Variants in CBX1 observed in about 807,000 individuals in gnomAD.
The protein encoded by CBX1 is chromobox 1.
Under a neutral mutation model 25.1 loss-of-function variants are expected in CBX1, and 10 were observed. The ratio of observed to expected loss-of-function variants is 0.40; its 90% CI spans 0.25 to 0.68. The LOEUF is 0.68. Among genes scored for constraint, CBX1 ranks in the 30% least tolerant of loss-of-function variants. The pLI is 0.40. For missense variants in CBX1, 106 were observed against 218.5 expected (o/e 0.49, Z 3.25); for synonymous variants, 63 against 79.4 (o/e 0.79, Z 1.10).
intron 1 of CBX1, chr17:48,100,810 T>C (rs968816000): frequency 6.1e-6 from 6 of 985,510 alleles, no homozygotes; most frequent in African/African-American, 1.7e-5. Context: ...TCCGTAGTCC[T>C]GCAAAGCCAG....
intron 1 of CBX1, among the ~76,000 whole-genome samples, chr17:48,099,587 C>T (rs1447162879): frequency 2.6e-5 from 4 of 152,140 alleles, no homozygotes; most frequent in African/African-American, 9.7e-5. Flanking sequence ...GTCTATAAGG[C>T]ACCTAGGGAG....
At chr17:48,093,238 G>T (rs182328025) in intron 1 of CBX1, among the ~76,000 whole-genome samples, 137 of 150,712 alleles carry the variant, frequency 9.1e-4, no homozygotes, top group African/African-American at 3.3e-3. Flanking sequence ...TCACGACACT[G>T]CATTCCAGCC....
chr17:48,072,290 C>A (rs1230163583), intron 4 of CBX1, among the ~76,000 whole-genome samples: 1 of 152,048 alleles, frequency 6.6e-6, no homozygotes, highest in Non-Finnish European at 1.5e-5. Flanking sequence ...GGATTACAGG[C>A]ATGAGCCACC....
At chr17:48,073,725 G>A (rs1049611162) in intron 4 of CBX1, among the ~76,000 whole-genome samples, 1 of 151,136 alleles carries the variant, frequency 6.6e-6, no homozygotes, top group Non-Finnish European at 1.5e-5. Context: ...TACTTGAGAG[G>A]CTGAGGCAGA....
intron 4 of CBX1, among the ~76,000 whole-genome samples, chr17:48,074,405 G>A (rs1238086019): frequency 6.6e-6 from 1 of 152,168 alleles, no homozygotes; most frequent in Non-Finnish European, 1.5e-5. Flanking sequence ...AGAGATTGTT[G>A]GGATAACTAT....
At chr17:48,092,865 G>GT (rs2063351420) in intron 1 of CBX1, among the ~76,000 whole-genome samples, 2 of 152,026 alleles carry the variant, frequency 1.3e-5, no homozygotes. Context: ...GAGGTCAGGA[G>GT]TTTAAGACTA....
In CBX1 at chr17:48,101,413, C is replaced by T; in HGVS notation, c.-183G>A. On this transcript the variant is annotated 5_prime_UTR_variant, in exon 1 of 5. Coordinates refer to ENST00000225603, the MANE Select transcript of CBX1 (RefSeq NM_001127228.2). ...CTCACTGAAGCGGCGTACCGCAGGC[C>T]CCGGCCAACGGCCCTCCCCTCAGCC... The T allele has an allele frequency of 1.0e-6, 1 of 985,532 alleles. No individual in the cohort carries two copies. The allele number at this position is 985,532 out of a possible 1,614,324, so 61.0% of individuals were successfully genotyped here. A position where few individuals can be genotyped will look rare whatever the true frequency, so the allele number is the denominator to read the frequency against.
At chr17:48,098,143 C>G (rs536023573) in intron 1 of CBX1, among the ~76,000 whole-genome samples, 42 of 152,146 alleles carry the variant, frequency 2.8e-4, no homozygotes, top group African/African-American at 1.0e-3. Context: ...CCTAGCTACT[C>G]AAGAGGCTGT....
intron 1 of CBX1, chr17:48,088,652 C>T (rs2063326228): frequency 6.6e-6 from 1 of 151,164 alleles, no homozygotes; most frequent in Non-Finnish European, 1.5e-5. Context: ...AAATTTCTTA[C>T]TTTTGATTTT....
At chr17:48,093,070 CAAAAAA>C (rs748778471) in intron 1 of CBX1, among the ~76,000 whole-genome samples, 6 of 8,740 alleles carry the variant, frequency 6.9e-4, no homozygotes, top group Non-Finnish European at 1.5e-3. Context: ...AACTCTGTCT[CAAAAAA>C]AAAAAAAAAA....
chr17:48,083,288 G>A (rs1312564634), intron 1 of CBX1, among the ~76,000 whole-genome samples: 1 of 150,556 alleles, frequency 6.6e-6, no homozygotes, highest in Non-Finnish European at 1.5e-5. Context: ...GGGATTACAT[G>A]TGTAAGCCAT....
intron 1 of CBX1, among the ~76,000 whole-genome samples, chr17:48,086,612 T>C (rs950169175): frequency 7.2e-5 from 11 of 152,158 alleles, no homozygotes; most frequent in Non-Finnish European, 1.5e-4. Context: ...TCCCAGCACT[T>C]TGGGAGGCTG....
intron 1 of CBX1, among the ~76,000 whole-genome samples, chr17:48,087,846 C>T (rs1219465406): frequency 1.4e-5 from 2 of 143,494 alleles, no homozygotes; most frequent in East Asian, 4.1e-4. Flanking sequence ...CACTCCAGAG[C>T]CTGGCAACAG....
chr17:48,101,463 G>C lies in CBX1; in HGVS notation c.-233C>G. On this transcript the variant is annotated 5_prime_UTR_variant, in exon 1 of 5. Coordinates refer to ENST00000225603, the MANE Select transcript of CBX1 (RefSeq NM_001127228.2). ...CGAACAAAAGAGCCTCGCAGTCTGC[G>C]CTGCCCGCCGCTCGCACCGCGCAGG... is the stretch of plus-strand genomic sequence containing the variant. The C allele has an allele frequency of 3.0e-6, 3 of 985,662 alleles. No individual in the cohort carries two copies. Among genetic ancestry groups the C allele is most frequent in the Non-Finnish European group, 3.6e-6 (3 of 830,124 alleles). The allele number at this position is 985,662 out of a possible 1,614,324, so 61.1% of individuals were successfully genotyped here.
chr17:48,099,283 G>A (rs1418402237), intron 1 of CBX1, among the ~76,000 whole-genome samples: 1 of 152,142 alleles, frequency 6.6e-6, no homozygotes, highest in Non-Finnish European at 1.5e-5. Context: ...TGTATTTTTA[G>A]TAGAGACAGG....
chr17:48,078,128 A>G (rs937591828), intron 1 of CBX1, among the ~76,000 whole-genome samples: 1 of 151,750 alleles, frequency 6.6e-6, no homozygotes, highest in South Asian at 2.1e-4. Context: ...TAAAACTTAC[A>G]TATTACTCTC....
Position 48,099,421 on chromosome 17 carries a change from A to G in CBX1, c.-38+1847T>C, listed in dbSNP as rs117110490. ...GCCCGACCCTACTATTTATTTTTTT[A>G]ATGAGAAACAATTTAGGATACAGCA... On this transcript the variant is annotated intron_variant, in intron 1 of 4. Coordinates refer to ENST00000225603, the MANE Select transcript of CBX1 (RefSeq NM_001127228.2). Among the ~76,000 whole-genome samples the G allele has an allele frequency of 1.2e-3, 186 of 152,136 alleles. 3 individuals carry two copies. The East Asian group carries it at 0.031, about 25-fold the overall frequency.
At chr17:48,092,337 G>C (rs571461441) in intron 1 of CBX1, among the ~76,000 whole-genome samples, 73 of 151,810 alleles carry the variant, frequency 4.8e-4, no homozygotes, top group African/African-American at 1.6e-3. Flanking sequence ...AATAAAATTA[G>C]CGAGGCACTG....
At chr17:48,075,843 G>C in intron 3 of CBX1, 158 bp downstream of exon 3, 1 of 520,732 alleles carries the variant, frequency 1.9e-6, no homozygotes, top group Non-Finnish European at 3.3e-6. Flanking sequence ...AGATCATGTG[G>C]CTTCATGACA....
Sources: allele counts gnomAD v4.1 joint callset (sites outside exome capture counted in the v4.1 genomes callset), GRCh38; gene constraint gnomAD v4.1.1; transcripts MANE v1.5; gene names NCBI Gene and HGNC (gene_info 2026-07-23, HGNC 2026-07-21).